Variants in MALRD1 observed in about 807,000 individuals in gnomAD.
MALRD1 encodes MAM and LDL receptor class A domain containing 1.
A neutral mutation model predicts 242.1 loss-of-function variants in MALRD1; 247 were observed. That is an observed-to-expected ratio of 1.02 (90% confidence interval 0.92 to 1.13). MALRD1 has a LOEUF of 1.13. MALRD1 is among the 50% of genes most tolerant of loss of function. The pLI is 0.00. For missense variants in MALRD1, 2,989 were observed against 2,533.1 expected, an observed-to-expected ratio of 1.18 and a Z score of -3.86; for synonymous variants, 995 against 866.6, an observed-to-expected ratio of 1.15 and a Z score of -2.60.
At chr10:19,650,637 A>G (rs77947561) in intron 36 of MALRD1, among the ~76,000 whole-genome samples, 9,489 of 152,228 alleles carry the variant, frequency 0.062, 363 homozygotes, top group Middle Eastern at 0.11. Context: ...TATTGTTGTG[A>G]ATTTATTACA....
intron 36 of MALRD1, among the ~76,000 whole-genome samples, chr10:19,655,017 G>A (rs1384158567): frequency 6.6e-6 from 1 of 152,104 alleles, no homozygotes; most frequent in African/African-American, 2.4e-5. Flanking sequence ...AACTAAATAT[G>A]CATTTTAGAA....
intron 32 of MALRD1, among the ~76,000 whole-genome samples, chr10:19,562,052 C>T (rs1286001837): frequency 6.6e-6 from 1 of 152,184 alleles, no homozygotes; most frequent in Non-Finnish European, 1.5e-5. Flanking sequence ...AATCCCAGCA[C>T]TTTGGCAGGC....
At chr10:19,325,221 T>C (rs1240393433) in intron 22 of MALRD1, among the ~76,000 whole-genome samples, 3 of 151,944 alleles carry the variant, frequency 2.0e-5, no homozygotes, top group African/African-American at 7.2e-5. Flanking sequence ...CTATTAGTAT[T>C]ATTATTTATT....
intron 18 of MALRD1, among the ~76,000 whole-genome samples, chr10:19,216,363 G>A (rs942645437): frequency 2.0e-5 from 3 of 151,594 alleles, no homozygotes; most frequent in African/African-American, 7.3e-5. Context: ...TGATCTGCCT[G>A]ACTCGGCCTC....
At position 19,175,322 on chromosome 10, in the gene MALRD1, A is replaced by G. The variant is rs1835182721; in HGVS notation, c.1945A>G (p.Ser649Gly). 1 of 1,230,316 alleles carries G rather than the reference A, an allele frequency of 8.1e-7. No individual in the cohort carries two copies. The allele number at this position is 1,230,316 out of a possible 1,614,324, so 76.2% of individuals were successfully genotyped here. The change falls in exon 14 of 40, where the codon AGC (serine) becomes GGC (glycine). Residue 649 changes from serine to glycine, a missense_variant. Transcript: ENST00000454679. ...YKSLPRTSTQ[S>G]KFSKCDFEAN... Reference sequence around the variant, plus strand: ...ATCACTACCAAGGACCAGTACACAAAGCAAGTGTAAGTTTTTCCTTGTCGT... The same window carrying G: ...ATCACTACCAAGGACCAGTACACAAGGCAAGTGTAAGTTTTTCCTTGTCGT...
At chr10:19,665,885 T>C (rs1589377022) in intron 36 of MALRD1, among the ~76,000 whole-genome samples, 1 of 19,818 alleles carries the variant, frequency 5.0e-5, no homozygotes, top group East Asian at 3.5e-3. Context: ...TTTCTAATGA[T>C]TTTTTTTTTT....
intron 32 of MALRD1, among the ~76,000 whole-genome samples, chr10:19,548,202 T>C (rs1420656441): frequency 2.0e-5 from 3 of 151,716 alleles, no homozygotes; most frequent in Admixed American, 6.6e-5. Flanking sequence ...TTTCACCATG[T>C]TGGTCAGACT....
At position 19,708,877 on chromosome 10, in the gene MALRD1, G is replaced by A. The variant is rs184323015; in HGVS notation, c.6314+16323G>A. Among the ~76,000 whole-genome samples, 473 of 121,012 alleles carry A rather than the reference G, an allele frequency of 3.9e-3. 68 individuals carry two copies. The highest frequency in any genetic ancestry group is 0.012 in the African/African-American group (449 of 38,140). The allele number at this position is 121,012 out of a possible 152,430, so 79.4% of individuals were successfully genotyped here. ...GGGTTTAACCATGTTGGCCAAGATGGTCTTGGAACTCCTGACTTCAGGTGA... is the reference window on the plus strand; with the variant it reads ...GGGTTTAACCATGTTGGCCAAGATGATCTTGGAACTCCTGACTTCAGGTGA... On this transcript the variant is annotated intron_variant, in intron 38 of 39. Transcript: ENST00000454679.
At chr10:19,228,949 C>G (rs897682592) in intron 18 of MALRD1, among the ~76,000 whole-genome samples, 2 of 150,506 alleles carry the variant, frequency 1.3e-5, no homozygotes, top group African/African-American at 4.9e-5. Flanking sequence ...ACTCAGCCCC[C>G]CCAAAAAAAG....
intron 14 of MALRD1, among the ~76,000 whole-genome samples, chr10:19,185,518 T>C (rs1351859720): frequency 6.6e-6 from 1 of 152,204 alleles, no homozygotes; most frequent in Non-Finnish European, 1.5e-5. Context: ...ATTATTTATT[T>C]ATTTATTTAT....
intron 36 of MALRD1, among the ~76,000 whole-genome samples, chr10:19,616,301 T>C (rs1469431060): frequency 6.6e-6 from 1 of 152,056 alleles, no homozygotes; most frequent in Non-Finnish European, 1.5e-5. Context: ...AATGTTCTTA[T>C]TTCTCTTTAA....
chr10:19,267,182 T>G (rs994492946), intron 19 of MALRD1, among the ~76,000 whole-genome samples: 3 of 152,064 alleles, frequency 2.0e-5, no homozygotes, highest in African/African-American at 7.2e-5. Context: ...TATTCTCTTT[T>G]AAATTTTCAG....
chr10:19,569,790 G>T (rs1836435470), intron 33 of MALRD1, among the ~76,000 whole-genome samples: 1 of 145,258 alleles, frequency 6.9e-6, no homozygotes, highest in South Asian at 2.1e-4. Flanking sequence ...ATATATACTG[G>T]AATATATATT....
intron 34 of MALRD1, among the ~76,000 whole-genome samples, chr10:19,606,950 A>G (rs1199216679): frequency 6.6e-6 from 1 of 152,152 alleles, no homozygotes; most frequent in Non-Finnish European, 1.5e-5. Context: ...AGGAAAACTG[A>G]GCTTCCTAAT....
chr10:19,102,338 G>C (rs1212839518), intron 4 of MALRD1, among the ~76,000 whole-genome samples: 4 of 151,622 alleles, frequency 2.6e-5, no homozygotes, highest in African/African-American at 9.7e-5. Context: ...TATTTTCTAA[G>C]TAGTTACACT....
At position 19,176,366 on chromosome 10, in the gene MALRD1, C is replaced by CCTTTTTTTTTTTTTTTTTTTTTTTTTTTT. The variant is rs1484132630; in HGVS notation, c.1951+1038_1951+1039insCTTTTTTTTTTTTTTTTTTTTTTTTTTTT. ...TCGAGAGAGTGTATATTTCTGGGTG[C>CCTTTTTTTTTTTTTTTTTTTTTTTTTTTT]TTTTTTTTTTTTTTTTTTTGAGACG... On this transcript the variant is annotated intron_variant, in intron 14 of 39. Transcript: ENST00000454679. 3.4e-5 allele frequency among the ~76,000 whole-genome samples: 3 copies of CCTTTTTTTTTTTTTTTTTTTTTTTTTTTT among 87,296 alleles called. 1 individual carries two copies. Among genetic ancestry groups the CCTTTTTTTTTTTTTTTTTTTTTTTTTTTT allele is most frequent in the African/African-American group, 1.3e-4 (3 of 23,112 alleles). 57.3% of individuals were successfully genotyped at this position (87,296 alleles called of 152,430 possible).
intron 31 of MALRD1, among the ~76,000 whole-genome samples, chr10:19,515,933 A>C (rs1833608273): frequency 1.3e-5 from 2 of 152,176 alleles, no homozygotes; most frequent in South Asian, 4.1e-4. Context: ...TCACATGGGA[A>C]TTTTAGATTA....
rs1837188520 is a variant in MALRD1, at chr10:19,124,651, T to C, written c.924T>C (p.Asp308=). 5 of 1,233,624 alleles carry C rather than the reference T, an allele frequency of 4.1e-6. No individual in the cohort carries two copies. In the South Asian group the frequency reaches 2.0e-4, roughly 51 times the overall value. 76.4% of individuals were successfully genotyped at this position (1,233,624 alleles called of 1,614,324 possible). ...CATTCGAATCCACACCTCAGCAGGA[T>C]CAAGGAGGTGATGATGAAGGTAGAA... ...IPAFESTPQQ[D]QGGDDEGYYV... Residue 308 remains aspartate, a synonymous_variant, in exon 7 of 40, where the codon GAT becomes GAC. Transcript: ENST00000454679.
At chr10:19,221,272 G>A (rs1195115801) in intron 18 of MALRD1, among the ~76,000 whole-genome samples, 1 of 152,114 alleles carries the variant, frequency 6.6e-6, no homozygotes, top group African/African-American at 2.4e-5. Context: ...ATAATGTTAA[G>A]TTGATCCCAC....
Sources: allele counts gnomAD v4.1 joint callset (sites outside exome capture counted in the v4.1 genomes callset), GRCh38; gene constraint gnomAD v4.1.1; transcripts MANE v1.5; gene names NCBI Gene and HGNC (gene_info 2026-07-23, HGNC 2026-07-21).